The following CLIP1 variants were observed in gnomAD, a reference collection of about 807,000 sequenced individuals.
CLIP1 encodes the protein CAP-Gly domain containing linker protein 1.
Under a neutral mutation model 161.6 loss-of-function variants are expected in CLIP1, and 66 were observed. The ratio of observed to expected loss-of-function variants is 0.41; its 90% CI spans 0.33 to 0.50. CLIP1 has a LOEUF of 0.50. Ranked by LOEUF, CLIP1 falls within the 20% of genes least tolerant of loss-of-function variation. The pLI, the probability that CLIP1 is intolerant of heterozygous loss-of-function variation, is 0.27. For synonymous variants in CLIP1, 598 were observed against 626.2 expected (o/e 0.96, Z 0.67); for missense variants, 1,376 against 1,702.0 (o/e 0.81, Z 3.37).
At chr12:122,385,603 A>G (rs1328224234) in intron 1 of CLIP1, among the ~76,000 whole-genome samples, 1 of 152,182 alleles carries the variant, frequency 6.6e-6, no homozygotes, top group East Asian at 1.9e-4. Context: ...TGCTGGTAGG[A>G]CTGCCCATGT....
chr12:122,387,547 CATATAT>C lies in CLIP1; in HGVS notation c.-106-6995_-106-6990del, dbSNP rs773688335. ...TTCAACCCTTGAATACATGCCTTTT[CATATAT>C]ATATATATATATATATATATATATA... On this transcript the variant is annotated intron_variant, in intron 1 of 25. Coordinates refer to ENST00000620786, the MANE Select transcript of CLIP1 (RefSeq NM_001247997.2). 6.7e-3 allele frequency among the ~76,000 whole-genome samples: 267 copies of C among 39,978 alleles called. 2 individuals are homozygous for C. The highest frequency in any genetic ancestry group is 0.01 in the Middle Eastern group (1 of 96). The allele number at this position is 39,978 out of a possible 152,430, so 26.2% of individuals were successfully genotyped here. A position where few individuals can be genotyped will look rare whatever the true frequency, so the allele number is the denominator to read the frequency against.
chr12:122,294,055 A>G (rs1244061461), intron 20 of CLIP1, among the ~76,000 whole-genome samples: 2 of 151,248 alleles, frequency 1.3e-5, no homozygotes, highest in Non-Finnish European at 3.0e-5. Flanking sequence ...ACTTTACTCA[A>G]AATACCCCCA....
At position 122,389,758 on chromosome 12, in the gene CLIP1, C is replaced by CAAAAAAAAAAAA. The variant is rs57168188; in HGVS notation, c.-106-9212_-106-9201dup. Among the ~76,000 whole-genome samples, 332 of 69,114 alleles carry CAAAAAAAAAAAA rather than the reference C, an allele frequency of 4.8e-3. 31 individuals are homozygous for CAAAAAAAAAAAA. The highest frequency in any genetic ancestry group is 9.3e-3 in the Middle Eastern group (1 of 108). 45.3% of individuals were successfully genotyped at this position (69,114 alleles called of 152,430 possible). ...AGGAGAGCAGAATGAGATCCTGTCT[C>CAAAAAAAAAAAA]AAAAAAAAAAAAAAAAAAAAAAAAA... On this transcript the variant is annotated intron_variant, in intron 1 of 25. Coordinates refer to ENST00000620786, the MANE Select transcript of CLIP1 (RefSeq NM_001247997.2).
chr12:122,309,753 G>C lies in CLIP1; in HGVS notation c.3594+9C>G. ...GCACAGCTGGAACCCCTCGCCAAAG[G>C]ACACTGACCTTTTGATGACTTGTGA... On this transcript the variant is annotated intron_variant, in intron 20 of 25. Transcript: ENST00000620786. 6.2e-7 allele frequency: 1 copy of C among 1,611,964 alleles called. No individual in the cohort carries two copies. The highest frequency in any genetic ancestry group is 8.5e-7 in the Non-Finnish European group (1 of 1,179,900).
chr12:122,284,422 G>A (rs186467479), intron 21 of CLIP1, among the ~76,000 whole-genome samples: 85 of 151,460 alleles, frequency 5.6e-4, no homozygotes, highest in African/African-American at 2.0e-3. Flanking sequence ...GCGCGATCTC[G>A]GCGCACTGCA....
chr12:122,334,185 C>A, intron 13 of CLIP1, 75 bp from the exon 14 acceptor site: 2 of 889,932 alleles, frequency 2.2e-6, no homozygotes, highest in South Asian at 1.5e-5. Context: ...TGTCTTACAA[C>A]CCAGTCAAAT....
At chr12:122,392,463 A>ACCT (rs1167082752) in intron 1 of CLIP1, among the ~76,000 whole-genome samples, 17 of 152,190 alleles carry the variant, frequency 1.1e-4, no homozygotes, top group African/African-American at 4.1e-4. Flanking sequence ...GTGGTAGAAG[A>ACCT]GAGTGAGTGA....
intron 3 of CLIP1, among the ~76,000 whole-genome samples, chr12:122,370,390 C>T (rs986947144): frequency 1.3e-5 from 2 of 152,114 alleles, no homozygotes; most frequent in African/African-American, 2.4e-5. Context: ...GCCATATCTA[C>T]AACACCTGGA....
rs1566178600 is a variant in CLIP1 at position 122,364,897 on chromosome 12, T to C, written c.658-790A>G. 1.0e-5 allele frequency: 6 copies of C among 597,786 alleles called. No individual in the cohort carries two copies. In the East Asian group the frequency reaches 1.8e-4, roughly 17 times the overall value. The allele number at this position is 597,786 out of a possible 1,614,324, so 37.0% of individuals were successfully genotyped here. On this transcript the variant is annotated intron_variant, in intron 3 of 25. Transcript: ENST00000620786. ...ATGCAAATCTATAAGAAAGGTGATA[T>C]TGCAGCCATAAAAAATGATGAGTTC...
At chr12:122,307,169 T>A (rs1208323324) in intron 20 of CLIP1, among the ~76,000 whole-genome samples, 1 of 151,730 alleles carries the variant, frequency 6.6e-6, no homozygotes, top group Non-Finnish European at 1.5e-5. Flanking sequence ...CCACCATGCC[T>A]GGTTAATTTT....
In CLIP1 at chr12:122,416,901, A is replaced by G. The variant is rs984526097; in HGVS notation, c.-107+5620T>C. 5.3e-5 allele frequency among the ~76,000 whole-genome samples: 8 copies of G among 151,906 alleles called. No homozygotes were observed. In the East Asian group the frequency reaches 1.5e-3, roughly 29 times the overall value. On this transcript the variant is annotated intron_variant, in intron 1 of 25. Coordinates refer to ENST00000620786, the MANE Select transcript of CLIP1 (RefSeq NM_001247997.2). The stretch of plus-strand genomic sequence containing the variant: ...GGCAACAAGAGCGACACTCCATCTC[A>G]AAAAATAATTATAACAATAACATGG...
chr12:122,311,086 A>G lies in CLIP1; in HGVS notation c.3474-1204T>C, dbSNP rs1451323465. 6.6e-6 allele frequency among the ~76,000 whole-genome samples: 1 copy of G among 152,248 alleles called. No individual in the cohort carries two copies. Among genetic ancestry groups the G allele is most frequent in the African/African-American group, 2.4e-5 (1 of 41,466 alleles). ...TCACTCACAAAAGAGATGCATATATATGAATCTCTCTCTATATATGTATAT... is the reference window on the plus strand; with the variant it reads ...TCACTCACAAAAGAGATGCATATATGTGAATCTCTCTCTATATATGTATAT... On this transcript the variant is annotated intron_variant, in intron 19 of 25. Coordinates refer to ENST00000620786, the MANE Select transcript of CLIP1 (RefSeq NM_001247997.2). The surrounding 1 kb of genome is among the most constrained non-coding windows in gnomAD (Gnocchi z 4.3).
At chr12:122,392,522 C>T (rs1189121805) in intron 1 of CLIP1, among the ~76,000 whole-genome samples, 2 of 151,904 alleles carry the variant, frequency 1.3e-5, no homozygotes, top group African/African-American at 2.4e-5. Context: ...GCAATGAATC[C>T]CAAAGTTTGG....
intron 1 of CLIP1, among the ~76,000 whole-genome samples, chr12:122,380,789 T>C (rs1409560402): frequency 6.6e-6 from 1 of 151,864 alleles, no homozygotes; most frequent in East Asian, 1.9e-4. Context: ...CATGACCCAC[T>C]CCTCACATCT....
intron 3 of CLIP1, among the ~76,000 whole-genome samples, chr12:122,377,130 T>C (rs1222475573): frequency 6.6e-6 from 1 of 151,606 alleles, no homozygotes; most frequent in African/African-American, 2.4e-5. Context: ...TGCCTCAGCC[T>C]CCTGAGTAGC....
chr12:122,284,239 T>C (rs911588040), intron 21 of CLIP1, among the ~76,000 whole-genome samples: 2 of 152,218 alleles, frequency 1.3e-5, no homozygotes, highest in African/African-American at 4.8e-5. Flanking sequence ...TTATCTATAA[T>C]TTCTGATGAA....
intron 14 of CLIP1, 138 bp from the exon 15 acceptor site, chr12:122,333,281 AC>A: frequency 3.1e-6 from 2 of 649,050 alleles, no homozygotes; most frequent in Admixed American, 3.0e-5. Flanking sequence ...AAGAAGGCAC[AC>A]AATAAGCAAG....
At chr12:122,381,433 C>T (rs952948469) in intron 1 of CLIP1, among the ~76,000 whole-genome samples, 7 of 152,260 alleles carry the variant, frequency 4.6e-5, no homozygotes, top group African/African-American at 1.7e-4. Context: ...TGCTGGTTTA[C>T]TCAAGACCAG....
At chr12:122,331,273 A>G (rs943559785) in intron 15 of CLIP1, among the ~76,000 whole-genome samples, 1 of 152,040 alleles carries the variant, frequency 6.6e-6, no homozygotes, top group Non-Finnish European at 1.5e-5. Flanking sequence ...TCGGCCTCCC[A>G]AAGTGCAGGG....
Sources: allele counts gnomAD v4.1 joint callset (sites outside exome capture counted in the v4.1 genomes callset), GRCh38; gene constraint gnomAD v4.1.1; non-coding constraint Gnocchi (gnomAD v3.1); transcripts MANE v1.5; gene names NCBI Gene and HGNC (gene_info 2026-07-23, HGNC 2026-07-21).